EMSY: variants seen among roughly 807,000 people sequenced by gnomAD.
EMSY encodes the protein BRCA2-interacting transcriptional repressor EMSY.
EMSY carries 26 observed loss-of-function variants against 134.6 expected under a neutral mutation model. That is an observed-to-expected ratio of 0.19 (90% CI 0.14 to 0.27). The LOEUF (loss-of-function observed/expected upper bound fraction) is 0.27, where lower values mean the gene tolerates loss of function less well. EMSY is among the 10% of genes least tolerant of loss of function. The pLI, the probability that EMSY is intolerant of heterozygous loss-of-function variation, is 1.00. For missense variants in EMSY, 1,305 were observed against 1,611.4 expected (o/e 0.81, Z 3.26); for synonymous variants, 579 against 577.8 (o/e 1.00, Z -0.03).
chr11:76,537,702 C>T (rs1000419380), intron 15 of EMSY, 93 bp from the exon 17 acceptor site: 2 of 1,163,846 alleles, frequency 1.7e-6, no homozygotes, highest in Non-Finnish European at 2.4e-6. Context: ...AGTGTGGCAC[C>T]CCAGAGGTCT....
chr11:76,486,724 G>A lies in EMSY; in HGVS notation c.1109-9491G>A, dbSNP rs551372368. Among the ~76,000 whole-genome samples, 31 of 152,254 alleles carry A rather than the reference G, an allele frequency of 2.0e-4. No homozygotes were observed. In the South Asian group the frequency reaches 6.2e-3, roughly 31 times the overall value. On this transcript the variant is annotated intron_variant, in intron 8 of 20. Coordinates refer to ENST00000334736, the Ensembl canonical transcript of EMSY. Reference sequence around the variant, plus strand: ...GGTGGGTGAAGTGGATATTTAAGAAGTTTTTAACGTCCATAATGAGGCTCC... The same window carrying A: ...GGTGGGTGAAGTGGATATTTAAGAAATTTTTAACGTCCATAATGAGGCTCC...
chr11:76,528,565 A>G (rs1950923880), intron 14 of EMSY, 99 bp downstream of exon 15: 2 of 626,576 alleles, frequency 3.2e-6, no homozygotes, highest in Non-Finnish European at 2.6e-6. Context: ...ACAAATTTGT[A>G]TGCTCTATCA....
At chr11:76,534,977 C>A (rs1212716060) in intron 14 of EMSY, among the ~76,000 whole-genome samples, 2 of 152,046 alleles carry the variant, frequency 1.3e-5, no homozygotes, top group Non-Finnish European at 2.9e-5. Flanking sequence ...TGATTTGATG[C>A]ACATTTAGTA....
chr11:76,489,315 CTTTTT>C (rs57048007), intron 8 of EMSY, among the ~76,000 whole-genome samples: 1 of 128,168 alleles, frequency 7.8e-6, no homozygotes, highest in Admixed American at 7.7e-5. Flanking sequence ...TTCTTGTTTT[CTTTTT>C]TTTTTTTTTT....
chr11:76,549,756 A>C (rs1951780798), intron 20 of EMSY, among the ~76,000 whole-genome samples, 196 bp from the exon 22 acceptor site: 1 of 152,198 alleles, frequency 6.6e-6, no homozygotes, highest in African/African-American at 2.4e-5. Flanking sequence ...GTGTTGTCAC[A>C]GGGATTTAGC....
At chr11:76,463,118 C>T (rs1158431499) in intron 6 of EMSY, among the ~76,000 whole-genome samples, 4 of 150,364 alleles carry the variant, frequency 2.7e-5, no homozygotes, top group African/African-American at 7.4e-5. Context: ...GAGGTCAAGA[C>T]CAGCCTGGGC....
At chr11:76,470,354 C>T (rs878981297) in intron 7 of EMSY, among the ~76,000 whole-genome samples, 2 of 152,090 alleles carry the variant, frequency 1.3e-5, no homozygotes, top group Non-Finnish European at 2.9e-5. Context: ...ATACTACAGA[C>T]TTCTAAATAA....
intron 8 of EMSY, among the ~76,000 whole-genome samples, chr11:76,484,319 C>T (rs1405401696): frequency 6.6e-6 from 1 of 151,936 alleles, no homozygotes; most frequent in Admixed American, 6.6e-5. Context: ...AAATTGACAC[C>T]CTAACATCAC....
chr11:76,534,558 A>G (rs1951158631), intron 14 of EMSY, among the ~76,000 whole-genome samples: 1 of 152,146 alleles, frequency 6.6e-6, no homozygotes, highest in Non-Finnish European at 1.5e-5. Flanking sequence ...TTTTGTTGGA[A>G]GAGTTGTTCC....
intron 8 of EMSY, among the ~76,000 whole-genome samples, chr11:76,486,929 A>T (rs982073723): frequency 2.0e-5 from 3 of 152,260 alleles, no homozygotes; most frequent in African/African-American, 7.2e-5. Context: ...AGAATAACAA[A>T]TCATGTCAGT....
chr11:76,539,527 G>C, intron 16 of EMSY, 72 bp from the exon 18 acceptor site: 2 of 1,468,436 alleles, frequency 1.4e-6, no homozygotes, highest in Non-Finnish European at 1.9e-6. Context: ...AATAACCTCT[G>C]GGGGTAGACT....
At chr11:76,490,846 T>C (rs930090943) in intron 8 of EMSY, among the ~76,000 whole-genome samples, 1 of 151,822 alleles carries the variant, frequency 6.6e-6, no homozygotes, top group African/African-American at 2.4e-5. Context: ...GATATGTTCA[T>C]TGCTAGGGGG....
rs1950713798 is a variant in EMSY at position 76,523,303 on chromosome 11, C to T, written c.1821+12C>T. 1 of 1,605,900 alleles carries T rather than the reference C, an allele frequency of 6.2e-7. No homozygotes were observed. The highest frequency in any genetic ancestry group is 8.5e-7 in the Non-Finnish European group (1 of 1,177,300). On this transcript the variant is annotated intron_variant, in intron 12 of 20. Transcript: ENST00000334736. Reference sequence around the variant, plus strand: ...TGCTAAATGCTGGAGTAAGTGAGAGCTTCAACTGCAGACTTAGCAATTCAC... The same window carrying T: ...TGCTAAATGCTGGAGTAAGTGAGAGTTTCAACTGCAGACTTAGCAATTCAC...
intron 8 of EMSY, among the ~76,000 whole-genome samples, chr11:76,473,535 C>T (rs994888702): frequency 4.0e-5 from 6 of 151,840 alleles, no homozygotes; most frequent in East Asian, 2.0e-4. Flanking sequence ...TCTGGAACTC[C>T]GGAGTTCAGA....
At chr11:76,513,422 A>C in exon 10 of EMSY, 1 of 1,613,656 alleles carries the variant, frequency 6.2e-7, no homozygotes, top group Non-Finnish European at 8.5e-7. Flanking sequence ...CAACCAAGTA[A>C]AATCTTACCC....
rs886588563 is a variant in EMSY at position 76,528,157 on chromosome 11, C to T, written c.1996-111C>T. The T allele has an allele frequency of 4.2e-5, 38 of 895,222 alleles. No homozygotes were observed. The East Asian group carries it at 5.2e-4, about 12-fold the overall frequency. The allele number at this position is 895,222 out of a possible 1,614,324, so 55.5% of individuals were successfully genotyped here. On this transcript the variant is annotated intron_variant, in intron 13 of 20. Transcript: ENST00000334736. ...GCAATGCTGTGCCTAAAAAGTATAA[C>T]GTACAGAATAGTTTCCATACCAGGA...
chr11:76,477,223 T>A (rs1335333071), intron 8 of EMSY, among the ~76,000 whole-genome samples: 1 of 151,550 alleles, frequency 6.6e-6, no homozygotes, highest in Non-Finnish European at 1.5e-5. Flanking sequence ...AAAAGTCACG[T>A]GAAATTCTTT....
chr11:76,548,862 G>A (rs1951747692), intron 20 of EMSY, among the ~76,000 whole-genome samples: 1 of 152,022 alleles, frequency 6.6e-6, no homozygotes, highest in Non-Finnish European at 1.5e-5. Flanking sequence ...TTTGCTCTGG[G>A]GTTTTTAATG....
At chr11:76,455,143 CCT>C (rs141188588) in intron 4 of EMSY, among the ~76,000 whole-genome samples, 146 of 152,248 alleles carry the variant, frequency 9.6e-4, no homozygotes, top group African/African-American at 3.4e-3. Context: ...CCCTTTCCCT[CCT>C]CTCTCCATCA....
Sources: allele counts gnomAD v4.1 joint callset (sites outside exome capture counted in the v4.1 genomes callset), GRCh38; gene constraint gnomAD v4.1.1; transcripts MANE v1.5; gene names NCBI Gene and HGNC (gene_info 2026-07-23, HGNC 2026-07-21).